BEND7: variants seen among roughly 807,000 people sequenced by gnomAD.
BEND7 encodes BEN domain containing 7, also known as BEN domain-containing protein 7.
BEND7 carries 28 observed loss-of-function variants against 50.9 expected under a neutral mutation model. That is an observed-to-expected ratio of 0.55 (90% CI 0.41 to 0.75). The LOEUF (loss-of-function observed/expected upper bound fraction) is 0.75, where lower values mean the gene tolerates loss of function less well. Ranked by LOEUF, BEND7 falls within the 30% of genes least tolerant of loss-of-function variation. The probability of loss-of-function intolerance (pLI) is 0.00; values close to 1 mark genes in which losing one functional copy is unlikely to be tolerated. For synonymous variants in BEND7, 170 were observed against 183.9 expected, an observed-to-expected ratio of 0.92 and a Z score of 0.61; for missense variants, 477 against 491.3, an observed-to-expected ratio of 0.97 and a Z score of 0.28.
At chr10:13,472,587 T>C (rs1019865485) in intron 6 of BEND7, among the ~76,000 whole-genome samples, 6 of 151,316 alleles carry the variant, frequency 4.0e-5, no homozygotes, top group African/African-American at 1.5e-4. Context: ...GATTTGGGGT[T>C]GATACCCGTC....
Position 13,517,916 on chromosome 10 carries a change from C to T in BEND7, c.145+8222G>A, listed in dbSNP as rs570582157. The stretch of plus-strand genomic sequence containing the variant: ...ACTGCTGTCCAGGTCACTTTCTCTC[C>T]GATAATCTGCTAGTTATAAGGATAA... On this transcript the variant is annotated intron_variant, in intron 2 of 8. Coordinates refer to ENST00000466271, the MANE Select transcript of BEND7 (RefSeq NM_001369863.1). 5.3e-5 allele frequency among the ~76,000 whole-genome samples: 8 copies of T among 152,244 alleles called. No homozygotes were observed. In the South Asian group the frequency reaches 1.5e-3, roughly 28 times the overall value.
At chr10:13,470,636 G>A (rs970873742) in intron 6 of BEND7, among the ~76,000 whole-genome samples, 1 of 152,132 alleles carries the variant, frequency 6.6e-6, no homozygotes. Context: ...CAGTTTTGAG[G>A]AGATGAGATC....
intron 6 of BEND7, among the ~76,000 whole-genome samples, chr10:13,463,450 T>C (rs544918700): frequency 4.7e-4 from 72 of 152,250 alleles, no homozygotes; most frequent in Middle Eastern, 3.4e-3. Flanking sequence ...AGACCAAATG[T>C]AAACATGTGT....
At chr10:13,517,064 G>GTTTTTTT in intron 2 of BEND7, among the ~76,000 whole-genome samples, 1 of 137,172 alleles carries the variant, frequency 7.3e-6, no homozygotes, top group Non-Finnish European at 1.6e-5. Context: ...TTTTCTGGTG[G>GTTTTTTT]CTTTTTTTTT....
chr10:13,470,053 T>C (rs2074654628), intron 6 of BEND7, among the ~76,000 whole-genome samples: 1 of 152,224 alleles, frequency 6.6e-6, no homozygotes, highest in Non-Finnish European at 1.5e-5. Flanking sequence ...CTGAACTTAT[T>C]AAACAATTCT....
rs2132522161 is a variant in BEND7, at chr10:13,514,275, T to C, written c.145+11863A>G. ...TATTAACGTCAATTCTAATAACAGA[T>C]ATGACGAGAAGATACGGTTGAGGAA... On this transcript the variant is annotated intron_variant, in intron 2 of 8. Coordinates refer to ENST00000466271, the MANE Select transcript of BEND7 (RefSeq NM_001369863.1). Among the ~76,000 whole-genome samples the C allele has an allele frequency of 2.0e-5, 3 of 152,144 alleles. No homozygotes were observed. The South Asian group carries it at 6.2e-4, about 32-fold the overall frequency.
chr10:13,445,384 A>C (rs781167235), intron 8 of BEND7: 5 of 152,198 alleles, frequency 3.3e-5, no homozygotes, highest in Admixed American at 6.5e-5. Flanking sequence ...TAGCACATCC[A>C]TCATCTCTTA....
At chr10:13,517,943 A>G (rs1032786684) in intron 2 of BEND7, among the ~76,000 whole-genome samples, 3 of 152,202 alleles carry the variant, frequency 2.0e-5, no homozygotes, top group Admixed American at 2.0e-4. Context: ...TAAGGATAAC[A>G]GACTTCCCGC....
At chr10:13,498,091 T>G (rs2077160648) in intron 3 of BEND7, among the ~76,000 whole-genome samples, 2 of 132,994 alleles carry the variant, frequency 1.5e-5, no homozygotes. Flanking sequence ...TTTTTTTTTT[T>G]TTGAGACAGG....
intron 2 of BEND7, among the ~76,000 whole-genome samples, chr10:13,507,895 A>G (rs1324148394): frequency 6.6e-6 from 1 of 152,242 alleles, no homozygotes; most frequent in Non-Finnish European, 1.5e-5. Flanking sequence ...TGTTAAAGAG[A>G]AAGAGTTTAT....
intron 2 of BEND7, among the ~76,000 whole-genome samples, chr10:13,520,222 A>G (rs1231461339): frequency 6.6e-6 from 1 of 152,214 alleles, no homozygotes; most frequent in Non-Finnish European, 1.5e-5. Flanking sequence ...AGCTGGTCTC[A>G]GTGTTAAATG....
At chr10:13,477,290 C>G (rs2075521390) in intron 6 of BEND7, among the ~76,000 whole-genome samples, 1 of 152,166 alleles carries the variant, frequency 6.6e-6, no homozygotes, top group African/African-American at 2.4e-5. Context: ...AATTAATACA[C>G]TATTGGGACA....
At chr10:13,516,361 G>A (rs1391001846) in intron 2 of BEND7, among the ~76,000 whole-genome samples, 2 of 152,234 alleles carry the variant, frequency 1.3e-5, no homozygotes, top group Non-Finnish European at 2.9e-5. Context: ...GGAGGCTGGT[G>A]ACACACAGGG....
intron 2 of BEND7, chr10:13,500,729 T>C: frequency 2.0e-6 from 2 of 985,580 alleles, no homozygotes. Flanking sequence ...TGTGGCAGCA[T>C]GGCAAGCGAG....
At chr10:13,517,478 T>G (rs2078772124) in intron 2 of BEND7, among the ~76,000 whole-genome samples, 1 of 152,018 alleles carries the variant, frequency 6.6e-6, no homozygotes, top group Admixed American at 6.6e-5. Flanking sequence ...TGATAAAGAA[T>G]TTCAAGCATC....
At chr10:13,508,857 T>A (rs189009589) in intron 2 of BEND7, among the ~76,000 whole-genome samples, 7 of 152,302 alleles carry the variant, frequency 4.6e-5, no homozygotes, top group African/African-American at 1.4e-4. Context: ...AAGAGTATAA[T>A]GGCACTCTTC....
rs373633544 is a variant in BEND7, at chr10:13,487,843, A to G, written c.837+4768T>C. 2.0e-5 allele frequency among the ~76,000 whole-genome samples: 3 copies of G among 152,110 alleles called. No individual in the cohort carries two copies. The East Asian group carries it at 5.8e-4, about 29-fold the overall frequency. On this transcript the variant is annotated intron_variant, in intron 5 of 8. Transcript: ENST00000466271. ...CATGGTGGCTCACACCTGTAATCTC[A>G]GCACTTTGCGAGGACGAGGCGGATG...
chr10:13,505,438 A>G (rs1588998980), intron 2 of BEND7, among the ~76,000 whole-genome samples: 1 of 152,196 alleles, frequency 6.6e-6, no homozygotes, highest in Admixed American at 6.5e-5. Flanking sequence ...TCTGGACCCA[A>G]TAAAGGTACT....
chr10:13,454,464 C>T (rs866608428), intron 6 of BEND7, among the ~76,000 whole-genome samples: 1 of 151,968 alleles, frequency 6.6e-6, no homozygotes, highest in Non-Finnish European at 1.5e-5. Context: ...ATCCATCAGT[C>T]AATCAGTAAT....
Sources: allele counts gnomAD v4.1 joint callset (sites outside exome capture counted in the v4.1 genomes callset), GRCh38; gene constraint gnomAD v4.1.1; transcripts MANE v1.5; gene names NCBI Gene and HGNC (gene_info 2026-07-23, HGNC 2026-07-21).